TENM4: variants seen among roughly 807,000 people sequenced by gnomAD.
The protein encoded by TENM4 is teneurin-4.
Under a neutral mutation model 243.3 loss-of-function variants are expected in TENM4, and 82 were observed. The ratio of observed to expected loss-of-function variants is 0.34; its 90% CI spans 0.28 to 0.40. TENM4 has a LOEUF of 0.40. Ranked by LOEUF, TENM4 falls within the 10% of genes least tolerant of loss-of-function variation. TENM4 has a pLI of 1.00. For synonymous variants in TENM4, 1,412 were observed against 1,456.3 expected (o/e 0.97, Z 0.69); for missense variants, 3,138 against 3,673.3 (o/e 0.85, Z 3.77).
At chr11:79,058,567 G>A (rs889717124) in intron 6 of TENM4, among the ~76,000 whole-genome samples, 1 of 151,926 alleles carries the variant, frequency 6.6e-6, no homozygotes, top group African/African-American at 2.4e-5. Flanking sequence ...CAAAAAAAAG[G>A]ATAATGGACA....
At chr11:78,989,506 T>G (rs954677901) in intron 6 of TENM4, among the ~76,000 whole-genome samples, 9 of 152,254 alleles carry the variant, frequency 5.9e-5, no homozygotes, top group African/African-American at 1.9e-4. Context: ...CCTTTTCTTC[T>G]GCTTCATCTT....
intron 19 of TENM4, among the ~76,000 whole-genome samples, chr11:78,743,284 TC>T (rs1855973546): frequency 6.6e-6 from 1 of 152,092 alleles, no homozygotes; most frequent in African/African-American, 2.4e-5. Flanking sequence ...GACAATCTTT[TC>T]CCCAGCAGAA....
chr11:79,431,226 T>C (rs187531110), intron 1 of TENM4, among the ~76,000 whole-genome samples: 68 of 152,364 alleles, frequency 4.5e-4, no homozygotes, highest in African/African-American at 1.6e-3. Flanking sequence ...TTTAGCAGTA[T>C]AGTGTTTAGT....
Position 79,045,027 on chromosome 11 carries a change from G to A in TENM4, c.493+19711C>T, listed in dbSNP as rs149161177. Among the ~76,000 whole-genome samples, 330 of 152,172 alleles carry A rather than the reference G, an allele frequency of 2.2e-3. 2 individuals carry two copies. Among genetic ancestry groups the A allele is most frequent in the African/African-American group, 7.2e-3 (300 of 41,502 alleles). On this transcript the variant is annotated intron_variant, in intron 6 of 33. Coordinates refer to ENST00000278550, the MANE Select transcript of TENM4 (RefSeq NM_001098816.3). Reference sequence around the variant, plus strand: ...ATACATCCAATGTTGTGCAACCCTCGTGACTACCTGGTTCTAGAACATTTT... The same window carrying A: ...ATACATCCAATGTTGTGCAACCCTCATGACTACCTGGTTCTAGAACATTTT...
At chr11:78,818,516 G>A (rs546068517) in intron 12 of TENM4, among the ~76,000 whole-genome samples, 9 of 152,152 alleles carry the variant, frequency 5.9e-5, no homozygotes, top group Non-Finnish European at 1.3e-4. Flanking sequence ...ACAAGGAAAT[G>A]GAAAGGAGAA....
intron 1 of TENM4, among the ~76,000 whole-genome samples, chr11:79,412,552 G>A (rs1469040752): frequency 6.6e-6 from 1 of 152,138 alleles, no homozygotes; most frequent in Admixed American, 6.5e-5. Context: ...ACCTGTCTAT[G>A]CTTTGGTTTC....
intron 1 of TENM4, among the ~76,000 whole-genome samples, chr11:79,334,280 G>T (rs979411595): frequency 3.1e-4 from 47 of 152,196 alleles, no homozygotes; most frequent in Non-Finnish European, 5.0e-4. Context: ...CCCATCTGGA[G>T]ATCCTCAATG....
At chr11:79,214,142 C>A (rs899552289) in intron 3 of TENM4, among the ~76,000 whole-genome samples, 2 of 152,048 alleles carry the variant, frequency 1.3e-5, no homozygotes, top group African/African-American at 4.8e-5. Flanking sequence ...CAGGTACCTG[C>A]CACCACGCCT....
intron 6 of TENM4, among the ~76,000 whole-genome samples, chr11:78,996,571 C>G (rs1858177151): frequency 1.3e-5 from 2 of 152,166 alleles, no homozygotes. Context: ...GTTTGTTACA[C>G]AGCAAAGGAT....
At chr11:78,683,249 C>T (rs1285593710) in intron 29 of TENM4, among the ~76,000 whole-genome samples, 3 of 56,826 alleles carry the variant, frequency 5.3e-5, no homozygotes, top group Non-Finnish European at 3.8e-5. Flanking sequence ...GTGCCCTGCC[C>T]CCAGAGGTGG....
intron 3 of TENM4, among the ~76,000 whole-genome samples, chr11:79,182,321 C>A (rs1207199308): frequency 6.6e-6 from 1 of 152,020 alleles, no homozygotes; most frequent in Non-Finnish European, 1.5e-5. Flanking sequence ...GACAACAGAG[C>A]AAAGGCAATT....
At chr11:79,121,406 T>G (rs952952324) in intron 4 of TENM4, among the ~76,000 whole-genome samples, 5 of 152,194 alleles carry the variant, frequency 3.3e-5, no homozygotes, top group African/African-American at 1.2e-4. Context: ...GGTTGTTGCT[T>G]TGTCTAGGAT....
At chr11:78,811,865 C>T (rs1186067504) in intron 14 of TENM4, among the ~76,000 whole-genome samples, 1 of 152,186 alleles carries the variant, frequency 6.6e-6, no homozygotes, top group East Asian at 1.9e-4. Flanking sequence ...TTACATGACT[C>T]GAGGCTTCTA....
chr11:79,282,948 T>G (rs1856182985), intron 2 of TENM4, among the ~76,000 whole-genome samples: 2 of 152,202 alleles, frequency 1.3e-5, no homozygotes, highest in South Asian at 4.1e-4. Flanking sequence ...TTTTCAGGCT[T>G]CACTGCAGTG....
At chr11:78,923,399 G>A (rs1591132633) in intron 6 of TENM4, among the ~76,000 whole-genome samples, 1 of 152,110 alleles carries the variant, frequency 6.6e-6, no homozygotes, top group South Asian at 2.1e-4. Flanking sequence ...TACACTCAAG[G>A]TGCCTGAGTG....
chr11:79,413,860 T>C (rs759849794), intron 1 of TENM4, among the ~76,000 whole-genome samples: 4 of 152,042 alleles, frequency 2.6e-5, no homozygotes, highest in Non-Finnish European at 5.9e-5. Context: ...AAGAATCATG[T>C]CTGCAAAAAA....
chr11:79,378,211 T>A (rs472870), intron 1 of TENM4, among the ~76,000 whole-genome samples: 1 of 152,088 alleles, frequency 6.6e-6, no homozygotes, highest in African/African-American at 2.4e-5. Context: ...ATCTTGTGCA[T>A]GCCTGGATCT....
chr11:78,665,557 C>T (rs184832281), intron 32 of TENM4, among the ~76,000 whole-genome samples: 3 of 152,344 alleles, frequency 2.0e-5, no homozygotes, highest in Admixed American at 1.3e-4. Flanking sequence ...CAGGCATGAG[C>T]CACAGCACCC....
At chr11:79,024,914 T>C (rs1165294503) in intron 6 of TENM4, among the ~76,000 whole-genome samples, 2 of 152,182 alleles carry the variant, frequency 1.3e-5, no homozygotes, top group African/African-American at 2.4e-5. Context: ...CCGGGGCTCT[T>C]GTCACCAGCA....
Sources: gnomAD v4.1 joint callset for allele counts (sites outside exome capture counted in the v4.1 genomes callset) on GRCh38, gnomAD v4.1.1 for gene constraint, MANE v1.5 for transcripts, NCBI Gene and HGNC (gene_info 2026-07-23, HGNC 2026-07-21) for gene names.